OGDH: variants seen among roughly 807,000 people sequenced by gnomAD.
OGDH encodes the protein oxoglutarate dehydrogenase.
OGDH carries 38 observed loss-of-function variants against 116.6 expected under a neutral mutation model. The ratio of observed to expected loss-of-function variants is 0.33; its 90% CI spans 0.25 to 0.43. The LOEUF (loss-of-function observed/expected upper bound fraction) is 0.43, where lower values mean the gene tolerates loss of function less well. Ranked by LOEUF, OGDH falls within the 20% of genes least tolerant of loss-of-function variation. OGDH has a pLI of 1.00. For missense variants in OGDH, 825 were observed against 1,357.2 expected, an observed-to-expected ratio of 0.61 and a Z score of 6.16; for synonymous variants, 488 against 533.3, an observed-to-expected ratio of 0.92 and a Z score of 1.17.
In OGDH at chr7:44,700,168, A is replaced by G. The variant is rs151001666; in HGVS notation, c.2458A>G (p.Asn820Asp). Reference protein sequence around the residue: ...PDLKEANFDINQLYDCNWVVV... With the variant: ...PDLKEANFDIDQLYDCNWVVV... Reference sequence around the variant, plus strand: ...CCTTAAAGAAGCCAACTTCGACATCAATCAGCTATATGACTGCAATTGGGT... The same window carrying G: ...CCTTAAAGAAGCCAACTTCGACATCGATCAGCTATATGACTGCAATTGGGT... Residue 820 changes from asparagine to aspartate, a missense_variant, in exon 19 of 23, where the codon AAT (asparagine) becomes GAT (aspartate). Transcript: ENST00000222673. 1.2e-6 allele frequency: 2 copies of G among 1,614,148 alleles called. No individual in the cohort carries two copies. Among genetic ancestry groups the G allele is most frequent in the East Asian group, 2.2e-5 (1 of 44,890 alleles).
At position 44,707,466 on chromosome 7, in the gene OGDH, TG is replaced by T; in HGVS notation, c.2796+82del. Reference sequence around the variant, plus strand: ...GGTGCCTTCACAGAACAGCCTTGCTTGGGGTGTGGCCCTCAGGTTCCTGACC... The same window carrying T: ...GGTGCCTTCACAGAACAGCCTTGCTTGGGTGTGGCCCTCAGGTTCCTGACC... On this transcript the variant is annotated intron_variant, in intron 21 of 22. Transcript: ENST00000222673. This position sits in a 1 kb window ranked among gnomAD's most constrained non-coding sequence, Gnocchi z 5.2. 4.4e-6 allele frequency: 7 copies of T among 1,597,670 alleles called. No homozygotes were observed. In the South Asian group the frequency reaches 7.9e-5, roughly 18 times the overall value.
intron 10 of OGDH, among the ~76,000 whole-genome samples, chr7:44,683,968 G>C (rs1197357743): frequency 2.6e-5 from 4 of 152,198 alleles, no homozygotes; most frequent in African/African-American, 9.7e-5. Context: ...ATAGTTTAGT[G>C]CAGGGTCAGG....
chr7:44,671,720 A>T (rs1787464952), intron 5 of OGDH, among the ~76,000 whole-genome samples: 1 of 142,160 alleles, frequency 7.0e-6, no homozygotes. Context: ...GTGAGCTGGG[A>T]TTGCACCACT....
At position 44,705,639 on chromosome 7, in the gene OGDH, G is replaced by A. The variant is rs536899927; in HGVS notation, c.2633-1586G>A. ...CTGCAGCCTCAATTCCTGGGCTCAA[G>A]TGATCCTCCTACTTTGGCCTCCCAG... On this transcript the variant is annotated intron_variant, in intron 20 of 22. Transcript: ENST00000222673. Among the ~76,000 whole-genome samples the A allele has an allele frequency of 4.2e-4, 64 of 152,276 alleles. 1 individual carries two copies. Among genetic ancestry groups the A allele is most frequent in the Admixed American group, 1.3e-4 (2 of 15,288 alleles).
intron 1 of OGDH, among the ~76,000 whole-genome samples, chr7:44,608,505 C>T (rs1784442491): frequency 6.6e-6 from 1 of 152,074 alleles, no homozygotes; most frequent in African/African-American, 2.4e-5. Flanking sequence ...TTGAGACCAG[C>T]CTGGCCAACA....
chr7:44,704,216 A>G (rs978664434), intron 20 of OGDH, among the ~76,000 whole-genome samples: 10 of 151,914 alleles, frequency 6.6e-5, no homozygotes, highest in Non-Finnish European at 1.3e-4. Context: ...AGCACCTACT[A>G]TTTTCTGGTT....
At chr7:44,690,449 C>T (rs891194963) in intron 10 of OGDH, among the ~76,000 whole-genome samples, 2 of 152,196 alleles carry the variant, frequency 1.3e-5, no homozygotes, top group African/African-American at 4.8e-5. Context: ...TAAGAGAGTA[C>T]ATTGGTGGTA....
chr7:44,707,339 G>T lies in OGDH; in HGVS notation c.2747G>T (p.Arg916Leu), dbSNP rs768557216. The change falls in exon 21 of 23, where the codon CGC becomes CTC. Residue 916 changes from arginine (R) to leucine (L), a missense_variant. Arg to Leu is a moderately radical substitution (Grantham distance 102). Coordinates refer to ENST00000222673, the MANE Select transcript of OGDH (RefSeq NM_002541.4). This position sits in a 1 kb window ranked among gnomAD's most constrained non-coding sequence, Gnocchi z 5.2. ...GKVYYDLTRE[R>L]KARDMVGQVA... ...GTGTATTATGACCTCACCCGGGAGC[G>T]CAAAGCACGCGACATGGTGGGGCAG... 9 of 1,614,144 alleles carry T rather than the reference G, an allele frequency of 5.6e-6. No individual in the cohort carries two copies. Among genetic ancestry groups the T allele is most frequent in the African/African-American group, 1.3e-5 (1 of 74,956 alleles).
intron 2 of OGDH, among the ~76,000 whole-genome samples, chr7:44,642,374 A>G (rs1332356200): frequency 6.6e-6 from 1 of 152,196 alleles, no homozygotes; most frequent in African/African-American, 2.4e-5. Flanking sequence ...CATTGAGCCA[A>G]GATCGTGCCA....
At chr7:44,680,122 A>C (rs976164699) in intron 9 of OGDH, among the ~76,000 whole-genome samples, 1 of 152,138 alleles carries the variant, frequency 6.6e-6, no homozygotes, top group African/African-American at 2.4e-5. Context: ...TGAGGTGGGA[A>C]AATCACTTGA....
At chr7:44,674,916 G>T (rs534239715) in intron 7 of OGDH, among the ~76,000 whole-genome samples, 56 of 152,292 alleles carry the variant, frequency 3.7e-4, no homozygotes, top group South Asian at 2.9e-3. Flanking sequence ...GGGAAGGTGT[G>T]GGGAGGGAGA....
intron 4 of OGDH, among the ~76,000 whole-genome samples, chr7:44,660,198 C>T (rs1786873570): frequency 6.6e-6 from 1 of 152,188 alleles, no homozygotes; most frequent in South Asian, 2.1e-4. Context: ...GGTCACAGCT[C>T]ACTGCAGCCT....
At chr7:44,687,255 C>A (rs1166085427) in intron 10 of OGDH, among the ~76,000 whole-genome samples, 1 of 150,294 alleles carries the variant, frequency 6.7e-6, no homozygotes, top group Non-Finnish European at 1.5e-5. Context: ...TTGCCACCAC[C>A]CCTGGCTGAT....
Position 44,675,990 on chromosome 7 carries a change from C to G in OGDH, c.1047C>G (p.Tyr349Ter). 1 of 1,614,018 alleles carries G rather than the reference C, an allele frequency of 6.2e-7. No homozygotes were observed. The highest frequency in any genetic ancestry group is 8.5e-7 in the Non-Finnish European group (1 of 1,179,982). The change falls in exon 9 of 23, where the codon TAC (tyrosine) becomes TAG (stop). Residue 349 changes from tyrosine to a stop codon, truncating the protein, a stop_gained. Coordinates refer to ENST00000222673, the MANE Select transcript of OGDH (RefSeq NM_002541.4). LOFTEE classifies it high-confidence loss of function. ...ATCAGGGCTCCGGAGATGTGAAGTA[C>G]CACCTGGGCATGTATCACCGCAGGA... ...AADEGSGDVKYHLGMYHRRIN... is the reference protein window; with the variant it reads ...AADEGSGDVK
In OGDH at chr7:44,659,567, T is replaced by C. The variant is rs988938791; in HGVS notation, c.518-7169T>C. 2.6e-5 allele frequency among the ~76,000 whole-genome samples: 4 copies of C among 152,342 alleles called. No homozygotes were observed. In the South Asian group the frequency reaches 8.3e-4, roughly 32 times the overall value. On this transcript the variant is annotated intron_variant, in intron 4 of 22. Transcript: ENST00000222673. ...TTATTTATTAATTAGATTTCCTTAT[T>C]AGCCATAGGGCTTTTCTAATTATCT...
chr7:44,626,340 C>CACCCCT (rs1554297634), intron 2 of OGDH, among the ~76,000 whole-genome samples: 77 of 135,786 alleles, frequency 5.7e-4, no homozygotes, highest in African/African-American at 2.0e-3. Context: ...CACCCCTACA[C>CACCCCT]ACACACACAC....
intron 2 of OGDH, among the ~76,000 whole-genome samples, chr7:44,635,951 C>A (rs1785650976): frequency 6.6e-6 from 1 of 152,238 alleles, no homozygotes; most frequent in African/African-American, 2.4e-5. Flanking sequence ...GATCCGCCCG[C>A]CTCAGCCTCC....
chr7:44,617,901 A>G (rs1784866002), intron 1 of OGDH, among the ~76,000 whole-genome samples: 1 of 152,114 alleles, frequency 6.6e-6, no homozygotes, highest in Admixed American at 6.5e-5. Context: ...CCAATGTCAT[A>G]TTGATAGGCG....
At chr7:44,696,612 G>A (rs886950543) in intron 14 of OGDH, 55 bp downstream of exon 14, 133 of 1,599,224 alleles carry the variant, frequency 8.3e-5, no homozygotes, top group Middle Eastern at 1.7e-4. Context: ...CAGGGGCGAC[G>A]ACTGTCTAGG....
Sources: allele counts gnomAD v4.1 joint callset (sites outside exome capture counted in the v4.1 genomes callset), GRCh38; gene constraint gnomAD v4.1.1; non-coding constraint Gnocchi (gnomAD v3.1); transcripts MANE v1.5; gene names NCBI Gene and HGNC (gene_info 2026-07-23, HGNC 2026-07-21).